SRBD1: variants seen among roughly 807,000 people sequenced by gnomAD.
SRBD1 encodes the protein S1 RNA binding domain 1.
In SRBD1, 88 loss-of-function variants were observed where a neutral mutation model predicts 115.3. The observed-to-expected ratio is 0.76, with a 90% CI of 0.64 to 0.91. The LOEUF is 0.91. Among genes scored for constraint, SRBD1 ranks in the 40% least tolerant of loss-of-function variants. SRBD1 has a pLI of 0.00. For missense variants in SRBD1, 1,385 were observed against 1,177.4 expected (o/e 1.18, Z -2.58); for synonymous variants, 509 against 407.7 (o/e 1.25, Z -2.99).
intron 16 of SRBD1, among the ~76,000 whole-genome samples, chr2:45,434,991 A>C (rs1427733882): frequency 2.0e-5 from 3 of 151,946 alleles, no homozygotes; most frequent in African/African-American, 7.2e-5. Context: ...TCATCGTTCA[A>C]TTCCCACCTA....
chr2:45,564,398 A>G (rs937486621), intron 9 of SRBD1, among the ~76,000 whole-genome samples: 7 of 152,216 alleles, frequency 4.6e-5, no homozygotes, highest in Non-Finnish European at 8.8e-5. Context: ...ACAACATTGT[A>G]CTGAAGGTTC....
At chr2:45,491,319 T>C (rs990229828) in intron 14 of SRBD1, among the ~76,000 whole-genome samples, 1 of 152,196 alleles carries the variant, frequency 6.6e-6, no homozygotes, top group Admixed American at 6.5e-5. Context: ...CGATTTAATA[T>C]TACATTTCAC....
intron 9 of SRBD1, among the ~76,000 whole-genome samples, chr2:45,572,630 T>G (rs546818501): frequency 6.6e-6 from 1 of 152,188 alleles, no homozygotes; most frequent in Non-Finnish European, 1.5e-5. Context: ...TAAAGAACAC[T>G]GATAAATGTC....
chr2:45,468,748 T>C (rs185891176), intron 16 of SRBD1, among the ~76,000 whole-genome samples: 1 of 152,314 alleles, frequency 6.6e-6, no homozygotes, highest in Non-Finnish European at 1.5e-5. Context: ...CTAGGCTATA[T>C]ACATTCTGCA....
intron 16 of SRBD1, among the ~76,000 whole-genome samples, chr2:45,450,757 A>G (rs1040934386): frequency 1.3e-5 from 2 of 152,160 alleles, no homozygotes; most frequent in African/African-American, 2.4e-5. Flanking sequence ...TTGGCTGAGT[A>G]GCACTATTAA....
intron 9 of SRBD1, among the ~76,000 whole-genome samples, chr2:45,571,042 A>T (rs545001944): frequency 1.3e-5 from 2 of 152,306 alleles, no homozygotes; most frequent in Non-Finnish European, 2.9e-5. Flanking sequence ...GGGGCTTTTT[A>T]AAATTCCTGG....
intron 7 of SRBD1, among the ~76,000 whole-genome samples, chr2:45,576,179 G>C (rs1673171299): frequency 6.6e-6 from 1 of 152,118 alleles, no homozygotes; most frequent in Non-Finnish European, 1.5e-5. Flanking sequence ...TGAGGATGAA[G>C]ACCTTTATGA....
At chr2:45,554,402 G>A (rs1672406780) in intron 10 of SRBD1, among the ~76,000 whole-genome samples, 1 of 152,210 alleles carries the variant, frequency 6.6e-6, no homozygotes, top group Non-Finnish European at 1.5e-5. Context: ...TCCAAGTTAA[G>A]ACAGCCACTG....
intron 14 of SRBD1, among the ~76,000 whole-genome samples, chr2:45,503,840 T>C (rs1670714483): frequency 6.6e-6 from 1 of 152,212 alleles, no homozygotes; most frequent in African/African-American, 2.4e-5. Context: ...AGGAGGCTTA[T>C]ATGAATGCTA....
At chr2:45,534,432 AC>A (rs961200741) in intron 14 of SRBD1, among the ~76,000 whole-genome samples, 56 of 152,098 alleles carry the variant, frequency 3.7e-4, no homozygotes, top group Admixed American at 9.8e-4. Context: ...AGAAAAGGCA[AC>A]AAAATTCTAG....
In SRBD1 at chr2:45,551,155, C is replaced by A; in HGVS notation, c.1645G>T (p.Gly549Cys). Reference protein sequence around the residue: ...LMGVDPGYKHGCKLAIISPTS... With the variant: ...LMGVDPGYKHCCKLAIISPTS... ...GGAGAAATTATAGCTAATTTGCAAC[C>A]ATGTTTATAACCAGGATCCACTCCC... Residue 549 changes from glycine to cysteine, a missense_variant, in exon 12 of 21, where the codon GGT becomes TGT. By Grantham distance (159) the Gly-to-Cys change is radical. Transcript: ENST00000263736. 6.3e-7 allele frequency: 1 copy of A among 1,597,688 alleles called. No homozygotes were observed. The highest frequency in any genetic ancestry group is 1.8e-5 in the Admixed American group (1 of 54,406).
intron 4 of SRBD1, among the ~76,000 whole-genome samples, chr2:45,598,748 T>C (rs779640018): frequency 6.6e-6 from 1 of 151,958 alleles, no homozygotes; most frequent in African/African-American, 2.4e-5. Context: ...GCCACAATCA[T>C]AGCAAGGGAA....
At chr2:45,596,929 AACAC>A (rs3223332) in intron 4 of SRBD1, among the ~76,000 whole-genome samples, 1,765 of 143,204 alleles carry the variant, frequency 0.012, 28 homozygotes, top group African/African-American at 0.031. Context: ...CCACAACCCT[AACAC>A]ACACACACAC....
At chr2:45,393,801 A>T (rs1667071866) in intron 19 of SRBD1, among the ~76,000 whole-genome samples, 1 of 152,250 alleles carries the variant, frequency 6.6e-6, no homozygotes, top group African/African-American at 2.4e-5. Context: ...GCTAATAGGC[A>T]AACGATGAAA....
chr2:45,571,517 CA>C (rs58100763), intron 9 of SRBD1, among the ~76,000 whole-genome samples: 7,587 of 39,318 alleles, frequency 0.19, 224 homozygotes, highest in East Asian at 0.43. Context: ...CAGACTTTAC[CA>C]AAAAAAAAAA....
chr2:45,446,096 C>T (rs769721129), intron 16 of SRBD1, among the ~76,000 whole-genome samples: 11 of 152,092 alleles, frequency 7.2e-5, no homozygotes, highest in Non-Finnish European at 1.5e-4. Context: ...TGTCAGAGAC[C>T]ATATTGGACA....
intron 16 of SRBD1, among the ~76,000 whole-genome samples, chr2:45,422,440 A>C (rs1668033144): frequency 6.6e-6 from 1 of 152,238 alleles, no homozygotes; most frequent in Non-Finnish European, 1.5e-5. Flanking sequence ...GGTTATGATC[A>C]ATTAGTGGAT....
At chr2:45,404,943 C>G (rs141784943) in intron 19 of SRBD1, among the ~76,000 whole-genome samples, 4 of 152,206 alleles carry the variant, frequency 2.6e-5, no homozygotes, top group African/African-American at 9.6e-5. Flanking sequence ...TCCTGGAACT[C>G]TTTCTCTAGA....
At chr2:45,580,590 G>T (rs1398015330) in intron 6 of SRBD1, among the ~76,000 whole-genome samples, 1 of 146,086 alleles carries the variant, frequency 6.8e-6, no homozygotes, top group East Asian at 2.0e-4. Context: ...TGATCTCTTG[G>T]TCTCGTGATC....
Sources: gnomAD v4.1 joint callset for allele counts (sites outside exome capture counted in the v4.1 genomes callset) on GRCh38, gnomAD v4.1.1 for gene constraint, MANE v1.5 for transcripts, NCBI Gene and HGNC (gene_info 2026-07-23, HGNC 2026-07-21) for gene names.